Variants in HMBOX1 observed in about 807,000 individuals in gnomAD.
HMBOX1 encodes homeobox-containing protein 1.
Under a neutral mutation model 54.5 loss-of-function variants are expected in HMBOX1, and 14 were observed. The ratio of observed to expected loss-of-function variants is 0.26; its 90% CI spans 0.17 to 0.40. The LOEUF (loss-of-function observed/expected upper bound fraction) is 0.40. Among genes scored for constraint, HMBOX1 ranks in the 10% least tolerant of loss-of-function variants. The pLI, the probability that HMBOX1 is intolerant of heterozygous loss-of-function variation, is 1.00. For synonymous variants in HMBOX1, 160 were observed against 181.0 expected, an observed-to-expected ratio of 0.88 and a Z score of 0.93; for missense variants, 332 against 514.4, an observed-to-expected ratio of 0.65 and a Z score of 3.43.
At chr8:28,962,841 G>A (rs1041044267) in intron 1 of HMBOX1, among the ~76,000 whole-genome samples, 2 of 151,996 alleles carry the variant, frequency 1.3e-5, no homozygotes, top group African/African-American at 4.8e-5. Flanking sequence ...TGAGAGGGGT[G>A]TGTCTATAAT....
intron 1 of HMBOX1, among the ~76,000 whole-genome samples, chr8:28,917,335 A>G (rs1393349886): frequency 6.6e-6 from 1 of 152,136 alleles, no homozygotes; most frequent in East Asian, 1.9e-4. Context: ...TATAAATGGT[A>G]TATTTTTATT....
intron 4 of HMBOX1, among the ~76,000 whole-genome samples, chr8:28,982,812 C>T (rs1057315692): frequency 5.5e-4 from 84 of 152,034 alleles, no homozygotes; most frequent in African/African-American, 1.2e-3. Flanking sequence ...TTGTGGTAGG[C>T]GGGGTTTCAC....
At chr8:28,923,797 AT>A (rs2131818332) in intron 1 of HMBOX1, among the ~76,000 whole-genome samples, 2 of 151,902 alleles carry the variant, frequency 1.3e-5, no homozygotes, top group South Asian at 4.2e-4. Flanking sequence ...GTTTTTTTTA[AT>A]TTTAGCCATC....
chr8:28,900,267 A>ATATATATATATATATATATAT (rs1243910972), intron 1 of HMBOX1, among the ~76,000 whole-genome samples: 13 of 54,522 alleles, frequency 2.4e-4, no homozygotes, highest in Non-Finnish European at 5.1e-4. Flanking sequence ...AAAAAAAAAA[A>ATATATATATATATATATATAT]AAAAATATAT....
chr8:29,021,115 C>T (rs1586536764), intron 6 of HMBOX1, among the ~76,000 whole-genome samples: 1 of 152,262 alleles, frequency 6.6e-6, no homozygotes, highest in Admixed American at 6.5e-5. Flanking sequence ...TTTGAGGTTA[C>T]AGTGAGCTAT....
chr8:28,948,329 G>T (rs971801100), intron 1 of HMBOX1, among the ~76,000 whole-genome samples: 1 of 152,112 alleles, frequency 6.6e-6, no homozygotes, highest in Non-Finnish European at 1.5e-5. Flanking sequence ...CCATGCAACA[G>T]GTGCTTAGTA....
chr8:28,937,769 T>C (rs1380959322), intron 1 of HMBOX1, among the ~76,000 whole-genome samples: 14 of 152,220 alleles, frequency 9.2e-5, no homozygotes, highest in Admixed American at 9.2e-4. Context: ...CAGAGTTTTC[T>C]TGAAGGTAAT....
chr8:29,003,778 G>A (rs1056915695), intron 4 of HMBOX1, among the ~76,000 whole-genome samples: 2 of 151,674 alleles, frequency 1.3e-5, no homozygotes, highest in Admixed American at 1.3e-4. Context: ...AATTCTGCTT[G>A]CACTGTGGAA....
chr8:29,041,688 G>A (rs947771554), intron 6 of HMBOX1, among the ~76,000 whole-genome samples: 6 of 152,106 alleles, frequency 3.9e-5, no homozygotes, highest in African/African-American at 1.4e-4. Context: ...ACTGCGGGGT[G>A]GGGGAGGCAA....
rs1010518481 is a variant in HMBOX1 at position 29,052,942 on chromosome 8, C to G, written c.*1787C>G. Reference sequence around the variant, plus strand: ...CCATTTCCTTACCTCTTCACCCATCCTCCTCCACCAAATGTATTCAACTTA... The same window carrying G: ...CCATTTCCTTACCTCTTCACCCATCGTCCTCCACCAAATGTATTCAACTTA... On this transcript the variant is annotated 3_prime_UTR_variant, in exon 10 of 10. Coordinates refer to ENST00000287701, the MANE Select transcript of HMBOX1 (RefSeq NM_001135726.3). 6.6e-6 allele frequency: 1 copy of G among 152,278 alleles called. No homozygotes were observed. The highest frequency in any genetic ancestry group is 2.1e-4 in the South Asian group (1 of 4,840). The allele number at this position is 152,278 out of a possible 1,614,324, so 9.4% of individuals were successfully genotyped here. A position where few individuals can be genotyped will look rare whatever the true frequency, so the allele number is the denominator to read the frequency against.
At chr8:28,945,264 C>G (rs952017071) in intron 1 of HMBOX1, among the ~76,000 whole-genome samples, 1 of 152,148 alleles carries the variant, frequency 6.6e-6, no homozygotes, top group Non-Finnish European at 1.5e-5. Flanking sequence ...ATATCATTGT[C>G]CACAATTTAC....
At chr8:28,945,101 C>T (rs538342909) in intron 1 of HMBOX1, among the ~76,000 whole-genome samples, 74 of 152,182 alleles carry the variant, frequency 4.9e-4, no homozygotes, top group Non-Finnish European at 7.1e-4. Flanking sequence ...GTGACTTTAC[C>T]GTCCTTAAGA....
intron 1 of HMBOX1, among the ~76,000 whole-genome samples, chr8:28,924,051 G>A (rs1563396259): frequency 6.6e-6 from 1 of 150,436 alleles, no homozygotes; most frequent in Non-Finnish European, 1.5e-5. Context: ...TATATTTTCC[G>A]ATTATGTAGG....
At chr8:28,943,142 G>C (rs1178886489) in intron 1 of HMBOX1, among the ~76,000 whole-genome samples, 1 of 152,174 alleles carries the variant, frequency 6.6e-6, no homozygotes. Flanking sequence ...ACGCTGTAGG[G>C]GAGGTAAAAT....
chr8:28,935,141 A>G (rs948106959), intron 1 of HMBOX1, among the ~76,000 whole-genome samples: 1 of 152,208 alleles, frequency 6.6e-6, no homozygotes, highest in African/African-American at 2.4e-5. Flanking sequence ...ATAAATTAAG[A>G]TATATACTAT....
At chr8:28,926,304 T>TACACACACAC (rs10699056) in intron 1 of HMBOX1, among the ~76,000 whole-genome samples, 2 of 142,132 alleles carry the variant, frequency 1.4e-5, no homozygotes, top group African/African-American at 5.3e-5. Context: ...TATATATATA[T>TACACACACAC]ACACACACAC....
intron 1 of HMBOX1, among the ~76,000 whole-genome samples, chr8:28,912,736 C>T (rs1245779901): frequency 1.3e-5 from 2 of 152,148 alleles, no homozygotes; most frequent in East Asian, 3.8e-4. Context: ...CTATTCTTGT[C>T]TAAACATACT....
intron 1 of HMBOX1, among the ~76,000 whole-genome samples, chr8:28,932,397 T>C (rs1585889397): frequency 6.6e-6 from 1 of 152,356 alleles, no homozygotes; most frequent in African/African-American, 2.4e-5. Context: ...GCTTGTAAAT[T>C]CTGCTTTCTA....
Position 29,051,488 on chromosome 8 carries a change from TG to T in HMBOX1, c.*334del. ...CTCAGTTCTCAAATATTAGACTACG[TG>T]TAAAATCTTGGGTACCTTTAGATTC... On this transcript the variant is annotated 3_prime_UTR_variant, in exon 10 of 10. Coordinates refer to ENST00000287701, the MANE Select transcript of HMBOX1 (RefSeq NM_001135726.3). 1 of 701,364 alleles carries T rather than the reference TG, an allele frequency of 1.4e-6. No homozygotes were observed. Among genetic ancestry groups the T allele is most frequent in the Non-Finnish European group, 2.6e-6 (1 of 383,690 alleles). The allele number at this position is 701,364 out of a possible 1,614,324, so 43.4% of individuals were successfully genotyped here.
Sources: gnomAD v4.1 joint callset for allele counts (sites outside exome capture counted in the v4.1 genomes callset) on GRCh38, gnomAD v4.1.1 for gene constraint, MANE v1.5 for transcripts, NCBI Gene and HGNC (gene_info 2026-07-23, HGNC 2026-07-21) for gene names.